Variants in CNTNAP5 observed in about 807,000 individuals in gnomAD.
CNTNAP5 encodes contactin associated protein family member 5, also known as contactin-associated protein-like 5.
CNTNAP5 carries 72 observed loss-of-function variants against 150.2 expected under a neutral mutation model. The ratio of observed to expected loss-of-function variants is 0.48; its 90% CI spans 0.40 to 0.58. CNTNAP5 has a LOEUF of 0.58. Among genes scored for constraint, CNTNAP5 ranks in the 20% least tolerant of loss-of-function variants. CNTNAP5 has a pLI of 0.00. For synonymous variants in CNTNAP5, 672 were observed against 619.8 expected (o/e 1.08, Z -1.25); for missense variants, 1,636 against 1,626.2 (o/e 1.01, Z -0.10).
At chr2:124,164,442 C>A (rs970355963) in intron 1 of CNTNAP5, among the ~76,000 whole-genome samples, 1 of 152,174 alleles carries the variant, frequency 6.6e-6, no homozygotes, top group Admixed American at 6.5e-5. Context: ...AGAAATAAAC[C>A]CAGCTAAGTG....
At chr2:124,774,256 A>T (rs1016915779) in intron 17 of CNTNAP5, among the ~76,000 whole-genome samples, 5 of 151,832 alleles carry the variant, frequency 3.3e-5, no homozygotes, top group Admixed American at 6.6e-5. Context: ...CTTTACTGCT[A>T]GTGATGAAAT....
At chr2:124,261,143 T>C (rs1304443201) in intron 3 of CNTNAP5, among the ~76,000 whole-genome samples, 2 of 152,128 alleles carry the variant, frequency 1.3e-5, no homozygotes, top group African/African-American at 4.8e-5. Flanking sequence ...TCAATATCAA[T>C]GATAGCCCAC....
At chr2:124,658,044 C>A (rs1407522813) in intron 13 of CNTNAP5, among the ~76,000 whole-genome samples, 1 of 152,154 alleles carries the variant, frequency 6.6e-6, no homozygotes, top group Admixed American at 6.5e-5. Context: ...TCCCAAAATG[C>A]TTAGAATAGT....
intron 13 of CNTNAP5, among the ~76,000 whole-genome samples, chr2:124,731,730 G>C (rs559014932): frequency 6.6e-5 from 10 of 152,010 alleles, no homozygotes; most frequent in Non-Finnish European, 1.5e-4. Flanking sequence ...GTATGGGTGT[G>C]CATGTATTTG....
At chr2:124,150,534 T>C (rs74266575) in intron 1 of CNTNAP5, among the ~76,000 whole-genome samples, 9,021 of 152,234 alleles carry the variant, frequency 0.059, 350 homozygotes, top group East Asian at 0.15. Flanking sequence ...CTTCTCACAA[T>C]TCTGGAGGCT....
intron 12 of CNTNAP5, among the ~76,000 whole-genome samples, chr2:124,645,319 G>A (rs1287063723): frequency 6.6e-6 from 1 of 152,284 alleles, no homozygotes; most frequent in African/African-American, 2.4e-5. Context: ...AGTGGCTCAT[G>A]TCTATAATCC....
At position 124,506,507 on chromosome 2, in the gene CNTNAP5, G is replaced by A. The variant is rs547069122; in HGVS notation, c.1327+1951G>A. On this transcript the variant is annotated intron_variant, in intron 8 of 23. Transcript: ENST00000682447. Reference sequence around the variant, plus strand: ...TTTCTTTTCTCATAGTTATGGTCATGTCAGACCGTGGGAGACATTCAAATG... The same window carrying A: ...TTTCTTTTCTCATAGTTATGGTCATATCAGACCGTGGGAGACATTCAAATG... 3.3e-5 allele frequency among the ~76,000 whole-genome samples: 5 copies of A among 152,248 alleles called. No homozygotes were observed. The South Asian group carries it at 1.0e-3, about 32-fold the overall frequency.
At chr2:124,881,549 A>G (rs1213157651) in intron 21 of CNTNAP5, among the ~76,000 whole-genome samples, 1 of 152,130 alleles carries the variant, frequency 6.6e-6, no homozygotes, top group Non-Finnish European at 1.5e-5. Flanking sequence ...CCAGCTCTCC[A>G]GTCCTGCTCA....
chr2:124,234,764 C>T (rs1189925941), intron 2 of CNTNAP5, among the ~76,000 whole-genome samples: 3 of 152,130 alleles, frequency 2.0e-5, no homozygotes, highest in Non-Finnish European at 2.9e-5. Context: ...CTTGATTGCT[C>T]CATTTTTCCA....
chr2:124,168,239 G>A (rs955852475), intron 1 of CNTNAP5, among the ~76,000 whole-genome samples: 3 of 152,158 alleles, frequency 2.0e-5, no homozygotes, highest in African/African-American at 7.2e-5. Context: ...TAGCATAGAT[G>A]GGTATCTCTG....
intron 10 of CNTNAP5, among the ~76,000 whole-genome samples, chr2:124,546,222 A>AT: frequency 6.6e-6 from 1 of 152,240 alleles, no homozygotes; most frequent in East Asian, 1.9e-4. Flanking sequence ...GCTCATCTAA[A>AT]TTTTTTCCTG....
At chr2:124,113,446 G>A (rs763362230) in intron 1 of CNTNAP5, among the ~76,000 whole-genome samples, 11 of 150,768 alleles carry the variant, frequency 7.3e-5, no homozygotes, top group Admixed American at 2.0e-4. Flanking sequence ...CAAGTCTTTC[G>A]CCCACTTTTT....
At chr2:124,377,622 C>A (rs569843526) in intron 3 of CNTNAP5, among the ~76,000 whole-genome samples, 1 of 151,130 alleles carries the variant, frequency 6.6e-6, no homozygotes, top group African/African-American at 2.4e-5. Context: ...TTGCAGTGAG[C>A]CAAGGTCTCG....
intron 22 of CNTNAP5, among the ~76,000 whole-genome samples, chr2:124,906,517 G>A (rs919042706): frequency 6.6e-6 from 1 of 152,054 alleles, no homozygotes; most frequent in African/African-American, 2.4e-5. Context: ...AGTGGTCTAC[G>A]ATAGGTCATG....
At chr2:124,846,878 TG>T (rs1683059365) in intron 19 of CNTNAP5, among the ~76,000 whole-genome samples, 1 of 152,212 alleles carries the variant, frequency 6.6e-6, no homozygotes, top group Non-Finnish European at 1.5e-5. Flanking sequence ...TACTGGGCTC[TG>T]CATTGGTATT....
At chr2:124,180,578 A>C (rs906106596) in intron 1 of CNTNAP5, among the ~76,000 whole-genome samples, 9 of 152,214 alleles carry the variant, frequency 5.9e-5, no homozygotes, top group African/African-American at 2.2e-4. Flanking sequence ...TAAAATGATA[A>C]GTTTAGAAAT....
chr2:124,212,231 T>C (rs1573839426), intron 1 of CNTNAP5, among the ~76,000 whole-genome samples: 1 of 152,188 alleles, frequency 6.6e-6, no homozygotes, highest in Non-Finnish European at 1.5e-5. Flanking sequence ...AATCTTATCA[T>C]TCAGTACCAT....
At chr2:124,323,529 G>A (rs372156104) in intron 3 of CNTNAP5, among the ~76,000 whole-genome samples, 2 of 152,142 alleles carry the variant, frequency 1.3e-5, no homozygotes, top group Admixed American at 6.5e-5. Flanking sequence ...AGGAGAGGAC[G>A]ACACCTGTGG....
At chr2:124,681,711 A>C (rs1484224633) in intron 13 of CNTNAP5, among the ~76,000 whole-genome samples, 1 of 152,030 alleles carries the variant, frequency 6.6e-6, no homozygotes, top group Non-Finnish European at 1.5e-5. Flanking sequence ...CTACAGGTGC[A>C]TGCCACCATG....
Sources: gnomAD v4.1 joint callset for allele counts (sites outside exome capture counted in the v4.1 genomes callset) on GRCh38, gnomAD v4.1.1 for gene constraint, MANE v1.5 for transcripts, NCBI Gene and HGNC (gene_info 2026-07-23, HGNC 2026-07-21) for gene names.